DCC: variants seen among roughly 807,000 people sequenced by gnomAD.
DCC encodes the protein DCC netrin 1 receptor, also known as netrin receptor DCC.
DCC carries 58 observed loss-of-function variants against 172.5 expected under a neutral mutation model. The ratio of observed to expected loss-of-function variants is 0.34; its 90% CI spans 0.27 to 0.42. The LOEUF is 0.42. DCC is among the 10% of genes least tolerant of loss of function. The pLI is 1.00. For synonymous variants in DCC, 709 were observed against 644.5 expected (o/e 1.10, Z -1.52); for missense variants, 1,740 against 1,791.0 (o/e 0.97, Z 0.51).
Position 53,467,905 on chromosome 18 carries a change from G to A in DCC, c.3631G>A (p.Glu1211Lys). 6.3e-7 allele frequency: 1 copy of A among 1,596,356 alleles called. No homozygotes were observed. Among genetic ancestry groups the A allele is most frequent in the Non-Finnish European group, 8.6e-7 (1 of 1,163,872 alleles). Residue 1211 changes from glutamate (E) to lysine (K), a missense_variant, in exon 25 of 29, where the codon GAG becomes AAG. Glu to Lys is a moderately conservative substitution (Grantham distance 56). Transcript: ENST00000442544. Reference protein sequence around the residue: ...KSTSHSGQDTEEAGSSMSTLE... With the variant: ...KSTSHSGQDTKEAGSSMSTLE... ...TGTGTATTTTTTAGGTCAAGACACT[G>A]AGGAAGCAGGGAGCTCTATGTCCAC...
At chr18:53,292,118 C>A (rs1045363125) in intron 12 of DCC, among the ~76,000 whole-genome samples, 4 of 139,230 alleles carry the variant, frequency 2.9e-5, no homozygotes, top group Admixed American at 1.4e-4. Context: ...GCTCCACCCC[C>A]CCCCCCTTTT....
At chr18:53,121,725 T>C (rs576453810) in intron 7 of DCC, among the ~76,000 whole-genome samples, 13 of 152,016 alleles carry the variant, frequency 8.6e-5, no homozygotes, top group African/African-American at 2.9e-4. Context: ...GGTTAATAAT[T>C]TTACATGTAT....
At chr18:52,744,380 A>G (rs2036875165) in intron 1 of DCC, among the ~76,000 whole-genome samples, 1 of 152,138 alleles carries the variant, frequency 6.6e-6, no homozygotes, top group Non-Finnish European at 1.5e-5. Flanking sequence ...ATAAATTCCC[A>G]TAGTAAAATG....
intron 1 of DCC, among the ~76,000 whole-genome samples, chr18:52,700,570 A>G (rs2036108608): frequency 6.6e-6 from 1 of 152,210 alleles, no homozygotes; most frequent in African/African-American, 2.4e-5. Flanking sequence ...TATCATGAAC[A>G]AAGATTATCT....
At chr18:52,888,424 G>A (rs1314918506) in intron 2 of DCC, among the ~76,000 whole-genome samples, 2 of 152,030 alleles carry the variant, frequency 1.3e-5, no homozygotes, top group Non-Finnish European at 2.9e-5. Flanking sequence ...GAATAATAAG[G>A]CATCTTCTCT....
At chr18:52,865,449 CCCA>C (rs1346434928) in intron 2 of DCC, among the ~76,000 whole-genome samples, 3 of 152,154 alleles carry the variant, frequency 2.0e-5, no homozygotes, top group Non-Finnish European at 4.4e-5. Context: ...AATTTACACT[CCCA>C]CCAATAGTGT....
intron 1 of DCC, among the ~76,000 whole-genome samples, chr18:52,509,663 G>A (rs1202329705): frequency 5.3e-5 from 8 of 152,274 alleles, no homozygotes; most frequent in Admixed American, 2.6e-4. Context: ...TGCACTGACT[G>A]TCACATCCTG....
At chr18:52,481,014 C>A (rs750062653) in intron 1 of DCC, among the ~76,000 whole-genome samples, 1 of 152,092 alleles carries the variant, frequency 6.6e-6, no homozygotes, top group Non-Finnish European at 1.5e-5. Flanking sequence ...ATGAAAAAAA[C>A]TATTACTTTT....
intron 14 of DCC, among the ~76,000 whole-genome samples, chr18:53,329,197 A>T (rs948827942): frequency 3.9e-5 from 6 of 152,222 alleles, no homozygotes; most frequent in Non-Finnish European, 4.4e-5. Context: ...CATTATGCCA[A>T]ATGGTAAAAT....
chr18:53,521,850 GAT>G (rs1386765384), intron 27 of DCC, among the ~76,000 whole-genome samples: 1 of 152,182 alleles, frequency 6.6e-6, no homozygotes, highest in Admixed American at 6.5e-5. Flanking sequence ...ATAAGTAAAA[GAT>G]GTGTGAAAAA....
intron 1 of DCC, among the ~76,000 whole-genome samples, chr18:52,495,210 G>A (rs576749644): frequency 1.3e-5 from 2 of 152,144 alleles, no homozygotes; most frequent in Admixed American, 6.6e-5. Context: ...TTATCCTCTC[G>A]TGTAGCTTCA....
rs546851587 is a variant in DCC, at chr18:52,941,572, T to C, written c.985+16202T>C. Among the ~76,000 whole-genome samples the C allele has an allele frequency of 1.1e-4, 16 of 152,142 alleles. No individual in the cohort carries two copies. The East Asian group carries it at 2.3e-3, about 22-fold the overall frequency. On this transcript the variant is annotated intron_variant, in intron 5 of 28. Transcript: ENST00000442544. ...CTCATATACACACACTATATATGCA[T>C]ATACATGTATACATTTATATTTGCT...
At chr18:53,377,869 A>G (rs2144973358) in intron 15 of DCC, among the ~76,000 whole-genome samples, 1 of 152,322 alleles carries the variant, frequency 6.6e-6, no homozygotes, top group East Asian at 1.9e-4. Flanking sequence ...CTTTTCCCTC[A>G]GCCATTGTTC....
At chr18:52,639,276 C>A (rs1285405842) in intron 1 of DCC, among the ~76,000 whole-genome samples, 8 of 151,882 alleles carry the variant, frequency 5.3e-5, no homozygotes, top group African/African-American at 1.9e-4. Flanking sequence ...ACAAATCCAA[C>A]CCAAATCAAG....
At chr18:53,288,862 T>A (rs2056965383) in intron 12 of DCC, among the ~76,000 whole-genome samples, 1 of 152,156 alleles carries the variant, frequency 6.6e-6, no homozygotes, top group Non-Finnish European at 1.5e-5. Context: ...ATAAAATTGG[T>A]ACAGTAGATC....
At chr18:52,619,861 C>T (rs2034448687) in intron 1 of DCC, among the ~76,000 whole-genome samples, 1 of 152,118 alleles carries the variant, frequency 6.6e-6, no homozygotes, top group South Asian at 2.1e-4. Context: ...TAAATTGAGT[C>T]CATTGGAAAA....
At chr18:52,486,244 A>T (rs945009995) in intron 1 of DCC, among the ~76,000 whole-genome samples, 1 of 152,152 alleles carries the variant, frequency 6.6e-6, no homozygotes, top group Non-Finnish European at 1.5e-5. Flanking sequence ...GATGAAGAGC[A>T]TCCCATGGTT....
intron 2 of DCC, among the ~76,000 whole-genome samples, chr18:52,784,043 T>TG (rs1440773627): frequency 6.6e-6 from 1 of 152,046 alleles, no homozygotes; most frequent in Non-Finnish European, 1.5e-5. Flanking sequence ...TTATTCCAAC[T>TG]GCATATTTGT....
intron 25 of DCC, among the ~76,000 whole-genome samples, chr18:53,479,968 C>T (rs755135085): frequency 1.3e-5 from 2 of 152,138 alleles, no homozygotes; most frequent in Non-Finnish European, 2.9e-5. Context: ...TTCTGGTCTG[C>T]TTAGAAAAGA....
Sources: gnomAD v4.1 joint callset for allele counts (sites outside exome capture counted in the v4.1 genomes callset) on GRCh38, gnomAD v4.1.1 for gene constraint, MANE v1.5 for transcripts, NCBI Gene and HGNC (gene_info 2026-07-23, HGNC 2026-07-21) for gene names.